Variants in HSD17B12 observed in about 807,000 individuals in gnomAD.
HSD17B12 encodes the protein very-long-chain 3-oxoacyl-CoA reductase.
A neutral mutation model predicts 39.3 loss-of-function variants in HSD17B12; 32 were observed. The observed-to-expected ratio is 0.81, with a 90% CI of 0.61 to 1.09. The LOEUF (loss-of-function observed/expected upper bound fraction) is 1.09, where lower values mean the gene tolerates loss of function less well. Among genes scored for constraint, HSD17B12 ranks in the 50% least tolerant of loss-of-function variants. The pLI is 0.00. For missense variants in HSD17B12, 342 were observed against 382.9 expected (o/e 0.89, Z 0.89); for synonymous variants, 150 against 146.7 (o/e 1.02, Z -0.16).
chr11:43,801,302 G>T (rs1241082650), intron 4 of HSD17B12, among the ~76,000 whole-genome samples: 2 of 152,108 alleles, frequency 1.3e-5, no homozygotes, highest in Non-Finnish European at 2.9e-5. Context: ...GATACAGGGA[G>T]AAATAATGGT....
chr11:43,694,296 C>T (rs1330958404), intron 1 of HSD17B12, among the ~76,000 whole-genome samples: 1 of 152,068 alleles, frequency 6.6e-6, no homozygotes, highest in Non-Finnish European at 1.5e-5. Flanking sequence ...CTCTAGGCTC[C>T]ATGTTCTTTC....
At chr11:43,820,637 C>T (rs1277885103) in intron 6 of HSD17B12, among the ~76,000 whole-genome samples, 2 of 152,166 alleles carry the variant, frequency 1.3e-5, no homozygotes, top group African/African-American at 4.8e-5. Flanking sequence ...CAATGAATTT[C>T]TCAGAAAAGG....
the HSD17B12 span, among the ~76,000 whole-genome samples, chr11:43,558,608 G>A: frequency 1.3e-5 from 2 of 152,122 alleles, no homozygotes; most frequent in Admixed American, 6.5e-5. Context: ...AAATATCCGT[G>A]TGGGGGCACT....
rs1950494761 is a variant in HSD17B12 at position 43,754,757 on chromosome 11, G to A, written c.283+636G>A. The A allele has an allele frequency of 1.5e-5, 9 of 587,870 alleles. No individual in the cohort carries two copies. In the South Asian group the frequency reaches 1.6e-4, roughly 10 times the overall value. The allele number at this position is 587,870 out of a possible 1,614,324, so 36.4% of individuals were successfully genotyped here. A position where few individuals can be genotyped will look rare whatever the true frequency, so the allele number is the denominator to read the frequency against. On this transcript the variant is annotated intron_variant, in intron 3 of 10. Coordinates refer to ENST00000278353, the MANE Select transcript of HSD17B12 (RefSeq NM_016142.3). ...TGACTTCATTTCAGTATTCCTGAATGTTTTTTACTCTTTTTATCTCAGTGT... is the reference window on the plus strand; with the variant it reads ...TGACTTCATTTCAGTATTCCTGAATATTTTTTACTCTTTTTATCTCAGTGT...
chr11:43,718,145 C>A (rs952130398), intron 1 of HSD17B12, among the ~76,000 whole-genome samples: 3 of 152,090 alleles, frequency 2.0e-5, no homozygotes, highest in African/African-American at 7.2e-5. Flanking sequence ...GCCACAGGAC[C>A]AGCTCAGATT....
chr11:43,568,584 C>T, the HSD17B12 span, among the ~76,000 whole-genome samples: 4 of 152,148 alleles, frequency 2.6e-5, no homozygotes, highest in Admixed American at 6.5e-5. Flanking sequence ...AACATGTTCA[C>T]GCCTACTTTT....
intron 4 of HSD17B12, among the ~76,000 whole-genome samples, chr11:43,804,270 T>C (rs1360083765): frequency 6.6e-6 from 1 of 152,218 alleles, no homozygotes; most frequent in African/African-American, 2.4e-5. Context: ...GCCTTCTCTG[T>C]CCATAGTGTT....
At chr11:43,570,178 G>T in the HSD17B12 span, 1 of 152,582 alleles carries the variant, frequency 6.6e-6, no homozygotes, top group Admixed American at 6.5e-5. Flanking sequence ...GACCCAGGGT[G>T]TATCTGAGTG....
At chr11:43,681,768 G>A (rs76156921) in intron 1 of HSD17B12, among the ~76,000 whole-genome samples, 1 of 151,790 alleles carries the variant, frequency 6.6e-6, no homozygotes, top group African/African-American at 2.4e-5. Context: ...TTTTTAAAAT[G>A]GAGGACGAAG....
chr11:43,769,926 C>G (rs1365405972), intron 3 of HSD17B12, among the ~76,000 whole-genome samples: 2 of 152,206 alleles, frequency 1.3e-5, no homozygotes, highest in Admixed American at 6.5e-5. Context: ...AAGTGAAAAT[C>G]ATTGCTCAGA....
chr11:43,727,490 CTT>C (rs11354125), intron 1 of HSD17B12, among the ~76,000 whole-genome samples: 26 of 146,812 alleles, frequency 1.8e-4, no homozygotes, highest in Non-Finnish European at 2.7e-4. Context: ...GAATATAAGG[CTT>C]TTTTTTTTTT....
rs112052260 is a variant in HSD17B12 at position 43,775,087 on chromosome 11, C to A, written c.283+20966C>A. Reference sequence around the variant, plus strand: ...TTTTGACCTTGAAGAAGTAAACTGCCGTCCTGTGGGGAGGGTTATGTGACG... The same window carrying A: ...TTTTGACCTTGAAGAAGTAAACTGCAGTCCTGTGGGGAGGGTTATGTGACG... On this transcript the variant is annotated intron_variant, in intron 3 of 10. Transcript: ENST00000278353. Among the ~76,000 whole-genome samples the A allele has an allele frequency of 8.4e-3, 1,282 of 152,154 alleles. 12 individuals are homozygous for A. Among genetic ancestry groups the A allele is most frequent in the African/African-American group, 0.029 (1,214 of 41,502 alleles).
chr11:43,703,436 C>T (rs112942961), intron 1 of HSD17B12, among the ~76,000 whole-genome samples: 2,851 of 152,250 alleles, frequency 0.019, 34 homozygotes, highest in Non-Finnish European at 0.026. Context: ...CCTCGTGATC[C>T]GCCCGCCTCG....
At chr11:43,664,240 G>A in the HSD17B12 span, among the ~76,000 whole-genome samples, 1 of 152,168 alleles carries the variant, frequency 6.6e-6, no homozygotes, top group African/African-American at 2.4e-5. Flanking sequence ...GCCTAAAAGG[G>A]TGGGATATCT....
At chr11:43,633,698 T>A in the HSD17B12 span, among the ~76,000 whole-genome samples, 1 of 152,116 alleles carries the variant, frequency 6.6e-6, no homozygotes, top group Non-Finnish European at 1.5e-5. Context: ...CTAAATGGTA[T>A]GGAAGAGTAG....
chr11:43,689,231 A>C (rs1565048990), intron 1 of HSD17B12, among the ~76,000 whole-genome samples: 1 of 152,238 alleles, frequency 6.6e-6, no homozygotes. Flanking sequence ...GTTATCTTTA[A>C]GTCTTCACCA....
At chr11:43,818,321 A>G (rs981779576) in intron 6 of HSD17B12, among the ~76,000 whole-genome samples, 3 of 152,198 alleles carry the variant, frequency 2.0e-5, no homozygotes, top group Non-Finnish European at 4.4e-5. Context: ...GTTGCTAAGC[A>G]TGTGTTATAG....
intron 3 of HSD17B12, among the ~76,000 whole-genome samples, chr11:43,770,677 A>C (rs940889086): frequency 6.6e-6 from 1 of 152,170 alleles, no homozygotes; most frequent in Non-Finnish European, 1.5e-5. Context: ...TGAGGCTGCA[A>C]TGAGCCACTG....
chr11:43,657,989 G>A, the HSD17B12 span, among the ~76,000 whole-genome samples: 4 of 152,194 alleles, frequency 2.6e-5, no homozygotes, highest in African/African-American at 4.8e-5. Context: ...CCTGCAGAGT[G>A]TTTTCCAACT....
Sources: allele counts gnomAD v4.1 joint callset (sites outside exome capture counted in the v4.1 genomes callset), GRCh38; gene constraint gnomAD v4.1.1; transcripts MANE v1.5; gene names NCBI Gene and HGNC (gene_info 2026-07-23, HGNC 2026-07-21).